Variants in SNED1 observed in about 807,000 individuals in gnomAD.
SNED1 encodes sushi, nidogen and EGF-like domain-containing protein 1.
In SNED1, 81 loss-of-function variants were observed where a neutral mutation model predicts 166.7. The ratio of observed to expected loss-of-function variants is 0.49; its 90% CI spans 0.41 to 0.58. SNED1 has a LOEUF of 0.58. SNED1 is among the 20% of genes least tolerant of loss of function. The pLI, the probability that SNED1 is intolerant of heterozygous loss-of-function variation, is 0.00. For synonymous variants in SNED1, 762 were observed against 822.0 expected (o/e 0.93, Z 1.25); for missense variants, 1,604 against 2,000.2 (o/e 0.80, Z 3.78).
In SNED1 at chr2:241,049,007, C is replaced by T. The variant is rs756574553; in HGVS notation, c.1505-15C>T. 1.9e-6 allele frequency: 3 copies of T among 1,598,394 alleles called. No individual in the cohort carries two copies. The highest frequency in any genetic ancestry group is 2.6e-6 in the Non-Finnish European group (3 of 1,169,896). On this transcript the variant is annotated splice_polypyrimidine_tract_variant and intron_variant, in intron 10 of 31. Coordinates refer to ENST00000310397, the MANE Select transcript of SNED1 (RefSeq NM_001080437.3). ...CATGTGGAATATGGGATGGGGCTTC[C>T]TCCTTTCTCTCTAGAAATCACAGCC...
chr2:241,090,096 T>G, intron 31 of SNED1: 1 of 1,503,728 alleles, frequency 6.7e-7, no homozygotes, highest in Non-Finnish European at 8.9e-7. Context: ...CTTTATACAT[T>G]TTTAATTTTT....
chr2:241,039,980 T>G, intron 6 of SNED1, 95 bp from the exon 7 acceptor site: 1 of 989,374 alleles, frequency 1.0e-6, no homozygotes, highest in South Asian at 1.5e-5. Context: ...GTAAGCCAGT[T>G]GGGGGTGGGG....
intron 16 of SNED1, among the ~76,000 whole-genome samples, chr2:241,062,024 A>G (rs1271592923): frequency 3.3e-5 from 5 of 152,226 alleles, no homozygotes; most frequent in Non-Finnish European, 5.9e-5. Context: ...TCTCTTCTTC[A>G]TATAATGCTG....
chr2:241,066,072 G>A (rs1461658625), intron 21 of SNED1, among the ~76,000 whole-genome samples: 2 of 152,162 alleles, frequency 1.3e-5, no homozygotes, highest in African/African-American at 2.4e-5. Flanking sequence ...TGGCTCAATC[G>A]GGAAGAGCCG....
chr2:241,054,433 G>A (rs1284296064), intron 16 of SNED1, among the ~76,000 whole-genome samples: 2 of 152,198 alleles, frequency 1.3e-5, no homozygotes, highest in Admixed American at 6.5e-5. Flanking sequence ...GCCCGGCGTG[G>A]TGGCACATGC....
At position 241,073,311 on chromosome 2, in the gene SNED1, A is replaced by G. The variant is rs764799103; in HGVS notation, c.3863A>G (p.Lys1288Arg). ...CTCGAGAACATGGAGGAAGCCCCCA[A>G]GCGGGTCAGCCTGGCCCTCCAGCTC... ...AQLENMEEAP[K>R]RVSLALQLPE... Residue 1288 changes from lysine (K) to arginine (R), a missense_variant, in exon 27 of 32, where the codon AAG becomes AGG. By Grantham distance (26) the Lys-to-Arg change is conservative. Coordinates refer to ENST00000310397, the MANE Select transcript of SNED1 (RefSeq NM_001080437.3). This position sits in a 1 kb window ranked among gnomAD's most constrained non-coding sequence, Gnocchi z 6.6. 3.9e-5 allele frequency: 61 copies of G among 1,573,574 alleles called. 1 individual carries two copies. The South Asian group carries it at 5.0e-4, about 13-fold the overall frequency.
chr2:241,037,403 C>A (rs768764421), intron 6 of SNED1, 50 bp downstream of exon 6: 1 of 1,242,488 alleles, frequency 8.0e-7, no homozygotes, highest in Non-Finnish European at 1.2e-6. Context: ...GGCAGGATAG[C>A]GGGAGACACA....
At position 241,058,383 on chromosome 2, in the gene SNED1, G is replaced by GA. The variant is rs1039102184; in HGVS notation, c.2258-4400dup. On this transcript the variant is annotated intron_variant, in intron 16 of 31. Transcript: ENST00000310397. Reference sequence around the variant, plus strand: ...TTAAATGTCTGACTTCAGAAGTTAGGAAAAAAAATACGAAATGATGCTGAA... The same window carrying GA: ...TTAAATGTCTGACTTCAGAAGTTAGGAAAAAAAAATACGAAATGATGCTGAA... 1.0e-3 allele frequency among the ~76,000 whole-genome samples: 154 copies of GA among 151,366 alleles called. 1 individual carries two copies. Among genetic ancestry groups the GA allele is most frequent in the African/African-American group, 3.4e-3 (140 of 41,312 alleles).
At chr2:241,088,322 A>G (rs1478785902) in intron 30 of SNED1, 43 bp from the exon 31 acceptor site, 1 of 1,417,058 alleles carries the variant, frequency 7.1e-7, no homozygotes, top group Non-Finnish European at 1.0e-6. Context: ...TTCAAGGTAC[A>G]CAGTCTCTTT....
chr2:241,053,273 G>A lies in SNED1; in HGVS notation c.2204G>A (p.Arg735His), dbSNP rs768872093. 3.7e-6 allele frequency: 6 copies of A among 1,602,056 alleles called. No homozygotes were observed. The Middle Eastern group carries it at 5.0e-4, about 134-fold the overall frequency. ...DRGYSLSAPS[R>H]IRVCQPHGVW... Reference sequence around the variant, plus strand: ...GGCTACAGCCTGAGCGCCCCCAGCCGCATCCGGGTCTGCCAGCCACACGGT... The same window carrying A: ...GGCTACAGCCTGAGCGCCCCCAGCCACATCCGGGTCTGCCAGCCACACGGT... Residue 735 changes from arginine (R) to histidine (H), a missense_variant, in exon 16 of 32, where the codon CGC becomes CAC. Physicochemically the swap from Arg to His is conservative, Grantham distance 29 (BLOSUM62 0). Around this residue, in one of 2 missense-constraint regions of SNED1, gnomAD observed 1,237 missense variants for 1,620.8 expected, o/e 0.76. Transcript: ENST00000310397.
At chr2:241,019,406 C>T (rs2060701916) in intron 1 of SNED1, among the ~76,000 whole-genome samples, 1 of 152,200 alleles carries the variant, frequency 6.6e-6, no homozygotes. Flanking sequence ...CAAAAGCGCT[C>T]AGCGGTATAG....
In SNED1 at chr2:241,073,204, C is replaced by A; in HGVS notation, c.3818-62C>A. 8.0e-7 allele frequency: 1 copy of A among 1,253,780 alleles called. No homozygotes were observed. The highest frequency in any genetic ancestry group is 2.2e-4 in the Middle Eastern group (1 of 4,502). The allele number at this position is 1,253,780 out of a possible 1,614,324, so 77.7% of individuals were successfully genotyped here. A position where few individuals can be genotyped will look rare whatever the true frequency, so the allele number is the denominator to read the frequency against. On this transcript the variant is annotated intron_variant, in intron 26 of 31. Coordinates refer to ENST00000310397, the MANE Select transcript of SNED1 (RefSeq NM_001080437.3). This position sits in a 1 kb window ranked among gnomAD's most constrained non-coding sequence, Gnocchi z 6.6. ...GATATAGAAGCACTCAAAAGGGTGG[C>A]CCCAGGACCATCCCGGGTGCAAAGC... is the stretch of plus-strand genomic sequence containing the variant.
chr2:241,025,297 A>AC (rs946095342), intron 1 of SNED1, among the ~76,000 whole-genome samples: 2 of 151,694 alleles, frequency 1.3e-5, no homozygotes, highest in African/African-American at 4.8e-5. Context: ...CCATCCCCAC[A>AC]CCCCCACCCC....
intron 30 of SNED1, 125 bp downstream of exon 30, chr2:241,087,600 AGGCAGCCCC>A: frequency 6.9e-7 from 1 of 1,450,852 alleles, no homozygotes; most frequent in Non-Finnish European, 9.1e-7. Context: ...TCGCCCAGAT[AGGCAGCCCC>A]TGGGCAGCCA....
chr2:241,011,449 G>C lies in SNED1; in HGVS notation c.213+12399G>C, dbSNP rs1370516692. Among the ~76,000 whole-genome samples the C allele has an allele frequency of 3.3e-5, 5 of 152,202 alleles. No individual in the cohort carries two copies. The East Asian group carries it at 9.6e-4, about 29-fold the overall frequency. Reference sequence around the variant, plus strand: ...CAGGTGTCTGAGGTGCCAGCGCTGGGCAGCCTGCTGGCATTCCCGCCCCCG... The same window carrying C: ...CAGGTGTCTGAGGTGCCAGCGCTGGCCAGCCTGCTGGCATTCCCGCCCCCG... On this transcript the variant is annotated intron_variant, in intron 1 of 31. Transcript: ENST00000310397.
chr2:241,051,970 C>A lies in SNED1; in HGVS notation c.1853-71C>A. On this transcript the variant is annotated intron_variant, in intron 13 of 31. Transcript: ENST00000310397. This position sits in a 1 kb window ranked among gnomAD's most constrained non-coding sequence, Gnocchi z 4.7. ...GTGGGTCTGCTTCTCATGAAGAGGC[C>A]CCAGCTCTGGGATGTTGGGGAACGT... The A allele has an allele frequency of 6.6e-7, 1 of 1,520,992 alleles. No homozygotes were observed. The allele number at this position is 1,520,992 out of a possible 1,614,324, so 94.2% of individuals were successfully genotyped here.
At chr2:241,043,456 A>G (rs2061567662) in intron 8 of SNED1, among the ~76,000 whole-genome samples, 1 of 152,208 alleles carries the variant, frequency 6.6e-6, no homozygotes, top group Non-Finnish European at 1.5e-5. Context: ...TTTTTACACA[A>G]ACAAAAATGA....
chr2:240,999,035 G>A lies in SNED1; in HGVS notation c.198G>A (p.Glu66=). 7.6e-7 allele frequency: 1 copy of A among 1,322,256 alleles called. No homozygotes were observed. Among genetic ancestry groups the A allele is most frequent in the Non-Finnish European group, 9.7e-7 (1 of 1,031,254 alleles). 81.9% of individuals were successfully genotyped at this position (1,322,256 alleles called of 1,614,324 possible). Residue 66 remains glutamate (E), a synonymous_variant, in exon 1 of 32, where the codon GAG becomes GAA. Coordinates refer to ENST00000310397, the MANE Select transcript of SNED1 (RefSeq NM_001080437.3). The surrounding 1 kb of genome is among the most constrained non-coding windows in gnomAD (Gnocchi z 5.8). The part of the protein sequence containing the change: ...LSVPFPFFGA[E]HSGLYVNNNG... Reference sequence around the variant, plus strand: ...TGCCCTTCCCGTTCTTCGGTGCCGAGCACTCCGGACTCTACGTGAGTAACC... The same window carrying A: ...TGCCCTTCCCGTTCTTCGGTGCCGAACACTCCGGACTCTACGTGAGTAACC...
In SNED1 at chr2:241,091,460, C is replaced by T. The variant is rs772944308; in HGVS notation, c.*2-178C>T. Among the ~76,000 whole-genome samples the T allele has an allele frequency of 2.6e-5, 4 of 151,990 alleles. No individual in the cohort carries two copies. Among genetic ancestry groups the T allele is most frequent in the Non-Finnish European group, 4.4e-5 (3 of 67,990 alleles). On this transcript the variant is annotated intron_variant, in intron 31 of 31. Transcript: ENST00000310397. This position sits in a 1 kb window ranked among gnomAD's most constrained non-coding sequence, Gnocchi z 4.1. The stretch of plus-strand genomic sequence containing the variant: ...TGGTAGAATCCTGGTGCTCTAAGAA[C>T]GCGGGGTCCTCCCCGTGTGCACTGC...
Sources: allele counts gnomAD v4.1 joint callset (sites outside exome capture counted in the v4.1 genomes callset), GRCh38; gene constraint gnomAD v4.1.1; regional missense constraint gnomAD v4.1.1; non-coding constraint Gnocchi (gnomAD v3.1); transcripts MANE v1.5; gene names NCBI Gene and HGNC (gene_info 2026-07-23, HGNC 2026-07-21).